The following MGLL variants were observed in gnomAD, a reference collection of about 807,000 sequenced individuals.
MGLL encodes monoglyceride lipase, also known as lysophospholipase homolog.
A neutral mutation model predicts 29.1 loss-of-function variants in MGLL; 7 were observed. That is an observed-to-expected ratio of 0.24 (90% CI 0.14 to 0.45). The LOEUF (loss-of-function observed/expected upper bound fraction) is 0.45, where lower values mean the gene tolerates loss of function less well. Among genes scored for constraint, MGLL ranks in the 20% least tolerant of loss-of-function variants. The pLI, the probability that MGLL is intolerant of heterozygous loss-of-function variation, is 0.99. For synonymous variants in MGLL, 148 were observed against 168.3 expected, an observed-to-expected ratio of 0.88 and a Z score of 0.93; for missense variants, 356 against 413.6, an observed-to-expected ratio of 0.86 and a Z score of 1.21.
chr3:127,743,261 G>A (rs1327721840), intron 3 of MGLL, among the ~76,000 whole-genome samples: 1 of 152,108 alleles, frequency 6.6e-6, no homozygotes, highest in Non-Finnish European at 1.5e-5. Context: ...TAACCTCAAT[G>A]CTTTATTGGA....
intron 6 of MGLL, 121 bp downstream of exon 6, chr3:127,710,455 G>A (rs1422824813): frequency 4.2e-6 from 4 of 950,502 alleles, no homozygotes; most frequent in Non-Finnish European, 5.0e-6. Flanking sequence ...CTGTGTCCTT[G>A]TCACTTTGCA....
At chr3:127,734,124 C>T (rs1164998130) in intron 3 of MGLL, among the ~76,000 whole-genome samples, 6 of 152,234 alleles carry the variant, frequency 3.9e-5, no homozygotes, top group Admixed American at 6.5e-5. Context: ...CCCCCTTAAC[C>T]CTGTGGGATC....
chr3:127,695,764 G>C (rs1056717222), intron 6 of MGLL, among the ~76,000 whole-genome samples: 1 of 152,122 alleles, frequency 6.6e-6, no homozygotes, highest in Non-Finnish European at 1.5e-5. Flanking sequence ...TAAAAAAAAC[G>C]AAAGTTTCAA....
chr3:127,774,354 C>T (rs2076997694), intron 3 of MGLL, among the ~76,000 whole-genome samples: 1 of 152,240 alleles, frequency 6.6e-6, no homozygotes, highest in Admixed American at 6.5e-5. Context: ...CTGGCAGCCT[C>T]CTGCCTCTTG....
At chr3:127,795,605 C>T (rs1388215966) in intron 2 of MGLL, among the ~76,000 whole-genome samples, 1 of 152,076 alleles carries the variant, frequency 6.6e-6, no homozygotes, top group Non-Finnish European at 1.5e-5. Flanking sequence ...GCTGTCCAGA[C>T]CTTTCAGCCC....
chr3:127,773,775 C>T (rs759788124), intron 3 of MGLL, among the ~76,000 whole-genome samples: 6 of 152,182 alleles, frequency 3.9e-5, no homozygotes, highest in African/African-American at 1.2e-4. Flanking sequence ...CACTGTTGGG[C>T]CTTCCCTGTC....
chr3:127,765,186 A>G (rs761469495), intron 3 of MGLL, among the ~76,000 whole-genome samples: 1 of 152,238 alleles, frequency 6.6e-6, no homozygotes, highest in Non-Finnish European at 1.5e-5. Flanking sequence ...TTTTTAACAC[A>G]GGATCACGTG....
intron 3 of MGLL, among the ~76,000 whole-genome samples, chr3:127,724,985 C>T (rs976481056): frequency 2.0e-5 from 3 of 152,112 alleles, no homozygotes; most frequent in Admixed American, 6.5e-5. Flanking sequence ...CAGCTGCATC[C>T]CCATCCTCCC....
At chr3:127,714,573 G>A (rs778961407) in intron 5 of MGLL, among the ~76,000 whole-genome samples, 6 of 152,324 alleles carry the variant, frequency 3.9e-5, no homozygotes, top group East Asian at 1.9e-4. Context: ...GGAGGAACAC[G>A]CCCTCCAGGA....
intron 6 of MGLL, among the ~76,000 whole-genome samples, chr3:127,709,114 G>A (rs1022892724): frequency 3.9e-5 from 6 of 152,200 alleles, no homozygotes; most frequent in Admixed American, 1.3e-4. Context: ...ATTTGGCTTT[G>A]GTCTTTCTGG....
chr3:127,737,397 C>T (rs2076259791), intron 3 of MGLL, among the ~76,000 whole-genome samples: 1 of 151,062 alleles, frequency 6.6e-6, no homozygotes, highest in South Asian at 2.1e-4. Context: ...AAGCCCACGT[C>T]AGAAGGTGCT....
intron 3 of MGLL, among the ~76,000 whole-genome samples, chr3:127,744,757 G>T (rs995887837): frequency 6.6e-6 from 1 of 152,126 alleles, no homozygotes; most frequent in Non-Finnish European, 1.5e-5. Context: ...CTTTTACACC[G>T]CCGGACACGG....
At chr3:127,780,470 T>G (rs1223904657) in intron 3 of MGLL, among the ~76,000 whole-genome samples, 2 of 152,260 alleles carry the variant, frequency 1.3e-5, no homozygotes, top group Non-Finnish European at 2.9e-5. Flanking sequence ...ACTAAAAGCC[T>G]CGGAGATGAT....
chr3:127,698,582 G>A (rs2075417893), intron 6 of MGLL, among the ~76,000 whole-genome samples: 1 of 152,170 alleles, frequency 6.6e-6, no homozygotes, highest in African/African-American at 2.4e-5. Context: ...CAGGGCTGAG[G>A]AGGGTGTGGG....
chr3:127,787,866 G>A (rs2077240126), intron 2 of MGLL, among the ~76,000 whole-genome samples: 1 of 152,246 alleles, frequency 6.6e-6, no homozygotes, highest in Non-Finnish European at 1.5e-5. Context: ...GGCTGCGTGT[G>A]GGCTTGTGAG....
rs375415577 is a variant in MGLL, at chr3:127,774,500, A to G, written c.262+7289T>C. ...GTGAATATCAAAGAATGAAGGAAGA[A>G]GAGTTCCTTCACCTGAATGCTCTTT... On this transcript the variant is annotated intron_variant, in intron 3 of 7. Transcript: ENST00000265052. Among the ~76,000 whole-genome samples, 6 of 152,202 alleles carry G rather than the reference A, an allele frequency of 3.9e-5. 1 individual carries two copies. The highest frequency in any genetic ancestry group is 1.9e-4 in the East Asian group (1 of 5,188).
intron 3 of MGLL, among the ~76,000 whole-genome samples, chr3:127,756,985 T>A (rs1034961022): frequency 3.3e-5 from 5 of 152,124 alleles, no homozygotes; most frequent in Non-Finnish European, 7.4e-5. Context: ...AGAATATCTG[T>A]CCCCACTGTC....
chr3:127,782,152 G>A (rs1246108624), intron 2 of MGLL, among the ~76,000 whole-genome samples: 2 of 152,106 alleles, frequency 1.3e-5, no homozygotes, highest in Non-Finnish European at 2.9e-5. Flanking sequence ...AACCCAGGAG[G>A]CAGAGATGAC....
At chr3:127,797,225 C>A (rs559485167) in intron 2 of MGLL, among the ~76,000 whole-genome samples, 1 of 152,100 alleles carries the variant, frequency 6.6e-6, no homozygotes, top group Non-Finnish European at 1.5e-5. Flanking sequence ...GAGGGTGTAT[C>A]CCAGGACTGC....
Sources: gnomAD v4.1 joint callset for allele counts (sites outside exome capture counted in the v4.1 genomes callset) on GRCh38, gnomAD v4.1.1 for gene constraint, MANE v1.5 for transcripts, NCBI Gene and HGNC (gene_info 2026-07-23, HGNC 2026-07-21) for gene names.